Variants in COL23A1 observed in about 807,000 individuals in gnomAD.
COL23A1 encodes collagen alpha-1(XXIII) chain.
A neutral mutation model predicts 99.3 loss-of-function variants in COL23A1; 97 were observed. The ratio of observed to expected loss-of-function variants is 0.98; its 90% CI spans 0.83 to 1.16. The LOEUF is 1.16. COL23A1 is among the 50% of genes most tolerant of loss of function. The probability of loss-of-function intolerance (pLI) is 0.00; values close to 1 mark genes in which losing one functional copy is unlikely to be tolerated. For synonymous variants in COL23A1, 320 were observed against 308.2 expected (o/e 1.04, Z -0.40); for missense variants, 762 against 757.4 (o/e 1.01, Z -0.07).
At chr5:178,315,573 A>G (rs1758934787) in intron 2 of COL23A1, among the ~76,000 whole-genome samples, 1 of 152,104 alleles carries the variant, frequency 6.6e-6, no homozygotes, top group African/African-American at 2.4e-5. Flanking sequence ...TTGGCACCAG[A>G]GCTAAACATG....
intron 1 of COL23A1, among the ~76,000 whole-genome samples, chr5:178,579,809 A>T (rs2113713014): frequency 6.6e-6 from 1 of 152,296 alleles, no homozygotes. Flanking sequence ...GTCTACAAGG[A>T]TGTCCACACT....
chr5:178,376,906 A>G (rs1350446314), intron 2 of COL23A1, among the ~76,000 whole-genome samples: 3 of 152,168 alleles, frequency 2.0e-5, no homozygotes, highest in African/African-American at 7.2e-5. Context: ...GACTTCATCA[A>G]AGTGAACCCT....
intron 2 of COL23A1, among the ~76,000 whole-genome samples, chr5:178,548,680 G>A (rs1450965757): frequency 2.0e-5 from 3 of 150,660 alleles, no homozygotes; most frequent in Non-Finnish European, 4.4e-5. Context: ...CCTCTGGCTT[G>A]TCCTTATTCT....
chr5:178,465,129 A>G (rs1051670115), intron 2 of COL23A1, among the ~76,000 whole-genome samples: 1 of 152,220 alleles, frequency 6.6e-6, no homozygotes, highest in African/African-American at 2.4e-5. Flanking sequence ...CTGACCTCCC[A>G]GTGGCAAAAG....
rs78175232 is a variant in COL23A1 at position 178,570,469 on chromosome 5, A to G, written c.295-9721T>C. Among the ~76,000 whole-genome samples, 505 of 152,268 alleles carry G rather than the reference A, an allele frequency of 3.3e-3. 1 individual carries two copies. Among genetic ancestry groups the G allele is most frequent in the Non-Finnish European group, 5.6e-3 (378 of 68,024 alleles). On this transcript the variant is annotated intron_variant, in intron 1 of 28. Transcript: ENST00000390654. ...ATGTACATATGTACACTATGTACATATGTTTTTCTACATTAGTACATTAGT... is the reference window on the plus strand; with the variant it reads ...ATGTACATATGTACACTATGTACATGTGTTTTTCTACATTAGTACATTAGT...
chr5:178,402,112 A>C (rs1238036192), intron 2 of COL23A1, among the ~76,000 whole-genome samples: 1 of 152,180 alleles, frequency 6.6e-6, no homozygotes, highest in Admixed American at 6.6e-5. Context: ...CACCGCGCCC[A>C]GCTGCCTTTG....
chr5:178,363,216 G>C (rs149814001), intron 2 of COL23A1, among the ~76,000 whole-genome samples: 4 of 152,120 alleles, frequency 2.6e-5, no homozygotes, highest in Admixed American at 6.5e-5. Flanking sequence ...ATGCCCTAGA[G>C]TTACAGTGTA....
chr5:178,386,876 T>C (rs746019113), intron 2 of COL23A1, among the ~76,000 whole-genome samples: 1 of 152,178 alleles, frequency 6.6e-6, no homozygotes, highest in African/African-American at 2.4e-5. Context: ...ACTGGCTCTA[T>C]GCTGTGCCAC....
In COL23A1 at chr5:178,307,989, G is replaced by A. The variant is rs1758455647; in HGVS notation, c.362-1070C>T. Among the ~76,000 whole-genome samples the A allele has an allele frequency of 6.6e-6, 1 of 152,088 alleles. No individual in the cohort carries two copies. The highest frequency in any genetic ancestry group is 1.5e-5 in the Non-Finnish European group (1 of 68,034). On this transcript the variant is annotated intron_variant, in intron 2 of 28. Transcript: ENST00000390654. The surrounding 1 kb of genome is among the most constrained non-coding windows in gnomAD (Gnocchi z 4.2). ...GCCCCGATCGCGTCTGTGGCAGGAT[G>A]GAAAAATGAGTGTGGGTGTCTGTGT...
intron 1 of COL23A1, among the ~76,000 whole-genome samples, chr5:178,571,339 G>A (rs1033806223): frequency 1.3e-5 from 2 of 152,106 alleles, no homozygotes; most frequent in African/African-American, 4.8e-5. Context: ...TCCAGCCTGG[G>A]TGACAGAGTG....
At chr5:178,408,752 C>G (rs1764887158) in intron 2 of COL23A1, among the ~76,000 whole-genome samples, 1 of 151,864 alleles carries the variant, frequency 6.6e-6, no homozygotes, top group African/African-American at 2.4e-5. Flanking sequence ...GTAAGGAGTT[C>G]GAGACCAGCT....
At chr5:178,273,073 C>T (rs1056618302) in intron 5 of COL23A1, among the ~76,000 whole-genome samples, 2 of 152,240 alleles carry the variant, frequency 1.3e-5, no homozygotes, top group African/African-American at 2.4e-5. Flanking sequence ...GCTGTCTGGC[C>T]TCCCGGCCGC....
At chr5:178,435,909 T>C (rs777192134) in intron 2 of COL23A1, among the ~76,000 whole-genome samples, 4 of 152,234 alleles carry the variant, frequency 2.6e-5, no homozygotes, top group Non-Finnish European at 5.9e-5. Context: ...CACATCATTT[T>C]AGGACTGTTT....
intron 5 of COL23A1, among the ~76,000 whole-genome samples, chr5:178,275,367 C>T (rs946306808): frequency 2.0e-5 from 3 of 152,192 alleles, no homozygotes; most frequent in Non-Finnish European, 4.4e-5. Flanking sequence ...TGGACGGTGC[C>T]GCCAGCTCTG....
intron 2 of COL23A1, among the ~76,000 whole-genome samples, chr5:178,404,147 G>A (rs894605721): frequency 6.6e-6 from 1 of 152,172 alleles, no homozygotes; most frequent in Non-Finnish European, 1.5e-5. Flanking sequence ...TTCGCGGAGC[G>A]CCTACTGTGT....
intron 2 of COL23A1, among the ~76,000 whole-genome samples, chr5:178,375,092 C>T (rs1276909197): frequency 6.6e-6 from 1 of 152,128 alleles, no homozygotes; most frequent in African/African-American, 2.4e-5. Context: ...ACTCTGCCAT[C>T]GAAAGCTGCA....
intron 2 of COL23A1, among the ~76,000 whole-genome samples, chr5:178,526,894 C>A (rs1760340865): frequency 6.6e-6 from 1 of 152,170 alleles, no homozygotes; most frequent in African/African-American, 2.4e-5. Flanking sequence ...CATTAACTGC[C>A]GTATGAAACT....
rs916202114 is a variant in COL23A1 at position 178,310,486 on chromosome 5, G to A, written c.362-3567C>T. ...CCAGTCCTCTGAAGAAGGTGCTAGT[G>A]TTCCCTGCACAGATGAGAACTCTGG... is the stretch of plus-strand genomic sequence containing the variant. On this transcript the variant is annotated intron_variant, in intron 2 of 28. Transcript: ENST00000390654. The surrounding 1 kb of genome is among the most constrained non-coding windows in gnomAD (Gnocchi z 4.3). 6.6e-6 allele frequency among the ~76,000 whole-genome samples: 1 copy of A among 152,248 alleles called. No homozygotes were observed. Among genetic ancestry groups the A allele is most frequent in the Admixed American group, 6.5e-5 (1 of 15,288 alleles).
chr5:178,248,940 C>T (rs1764862416), intron 19 of COL23A1, among the ~76,000 whole-genome samples, 177 bp downstream of exon 19: 1 of 152,226 alleles, frequency 6.6e-6, no homozygotes, highest in Non-Finnish European at 1.5e-5. Context: ...GAAGTGGAGG[C>T]CGGGAGAGAG....
Sources: gnomAD v4.1 joint callset for allele counts (sites outside exome capture counted in the v4.1 genomes callset) on GRCh38, gnomAD v4.1.1 for gene constraint, Gnocchi (gnomAD v3.1) non-coding constraint, MANE v1.5 for transcripts, NCBI Gene and HGNC (gene_info 2026-07-23, HGNC 2026-07-21) for gene names.